DGKB: variants seen among roughly 807,000 people sequenced by gnomAD.
DGKB encodes 90 kDa diacylglycerol kinase.
In DGKB, 67 loss-of-function variants were observed where a neutral mutation model predicts 114.3. The ratio of observed to expected loss-of-function variants is 0.59; its 90% CI spans 0.48 to 0.72. The LOEUF (loss-of-function observed/expected upper bound fraction) is 0.72, where lower values mean the gene tolerates loss of function less well. DGKB is among the 30% of genes least tolerant of loss of function. The pLI is 0.00. For synonymous variants in DGKB, 398 were observed against 323.1 expected, an observed-to-expected ratio of 1.23 and a Z score of -2.49; for missense variants, 907 against 975.2, an observed-to-expected ratio of 0.93 and a Z score of 0.93.
chr7:14,943,833 ACTAC>A (rs1785708062), intron 1 of DGKB, among the ~76,000 whole-genome samples: 1 of 151,942 alleles, frequency 6.6e-6, no homozygotes, highest in Non-Finnish European at 1.5e-5. Context: ...TGAATTCTTT[ACTAC>A]ATTTCACTAT....
At position 14,161,208 on chromosome 7, in the gene DGKB, G is replaced by C. The variant is rs530010800; in HGVS notation, c.2305-11970C>G. Among the ~76,000 whole-genome samples, 3 of 152,314 alleles carry C rather than the reference G, an allele frequency of 2.0e-5. No individual in the cohort carries two copies. In the South Asian group the frequency reaches 6.2e-4, roughly 32 times the overall value. On this transcript the variant is annotated intron_variant, in intron 25 of 25. Transcript: ENST00000402815. Reference sequence around the variant, plus strand: ...GGAGAAATAGGAACACTTTTACACTGCTGGTGGGAGTGTAAATTAGTTCAA... The same window carrying C: ...GGAGAAATAGGAACACTTTTACACTCCTGGTGGGAGTGTAAATTAGTTCAA...
At chr7:14,204,372 T>C (rs980240361) in intron 23 of DGKB, among the ~76,000 whole-genome samples, 3 of 151,994 alleles carry the variant, frequency 2.0e-5, no homozygotes, top group Non-Finnish European at 4.4e-5. Flanking sequence ...GCAGCTCTTC[T>C]ACACAGTTCT....
chr7:14,552,733 T>C (rs571120322), intron 20 of DGKB, among the ~76,000 whole-genome samples: 2 of 152,344 alleles, frequency 1.3e-5, no homozygotes, highest in African/African-American at 4.8e-5. Flanking sequence ...TTCCTTTCTC[T>C]CCACTAGGAA....
At position 14,772,721 on chromosome 7, in the gene DGKB, G is replaced by C. The variant is rs1266877632; in HGVS notation, c.71-14990C>G. ...CAATGTGAATTTTAATCCTCCCATT[G>C]TTGCTGTCTATGGCATCAGCTGATA... is the stretch of plus-strand genomic sequence containing the variant. On this transcript the variant is annotated intron_variant, in intron 2 of 25. Coordinates refer to ENST00000402815, the MANE Select transcript of DGKB (RefSeq NM_001350709.2). Among the ~76,000 whole-genome samples the C allele has an allele frequency of 2.0e-5, 3 of 152,170 alleles. No homozygotes were observed. The East Asian group carries it at 5.8e-4, about 29-fold the overall frequency.
At chr7:14,904,287 T>C (rs1323442802), upstream of DGKB, among the ~76,000 whole-genome samples, 2 of 152,134 alleles carry the variant, frequency 1.3e-5, no homozygotes, top group Non-Finnish European at 2.9e-5. Context: ...TCCAGTTGTC[T>C]GAGCTAAAAA....
At chr7:14,697,828 G>A (rs1445719807) in intron 8 of DGKB, among the ~76,000 whole-genome samples, 5 of 145,078 alleles carry the variant, frequency 3.4e-5, no homozygotes, top group African/African-American at 1.3e-4. Context: ...AAAGGAGAGA[G>A]AGAGAAGGAA....
At chr7:14,221,111 A>G (rs947300441) in intron 23 of DGKB, among the ~76,000 whole-genome samples, 2 of 151,378 alleles carry the variant, frequency 1.3e-5, no homozygotes, top group African/African-American at 4.8e-5. Flanking sequence ...GTTATGTGCA[A>G]ATAGAAATAG....
chr7:14,369,957 C>A (rs556643077), intron 21 of DGKB, among the ~76,000 whole-genome samples: 1 of 152,296 alleles, frequency 6.6e-6, no homozygotes, highest in East Asian at 1.9e-4. Flanking sequence ...TTCATTAGAT[C>A]CCATTTGTCA....
At chr7:14,634,281 G>C (rs1810305009) in intron 13 of DGKB, among the ~76,000 whole-genome samples, 2 of 151,320 alleles carry the variant, frequency 1.3e-5, no homozygotes, top group Admixed American at 1.3e-4. Flanking sequence ...GCCTAACCCA[G>C]GAAAACAAAG....
chr7:14,661,855 C>A (rs1817158335), intron 13 of DGKB, among the ~76,000 whole-genome samples: 2 of 152,108 alleles, frequency 1.3e-5, no homozygotes, highest in Admixed American at 1.3e-4. Flanking sequence ...CGCATATACA[C>A]CATGGAATAC....
intron 23 of DGKB, among the ~76,000 whole-genome samples, chr7:14,201,333 T>C (rs766233838): frequency 1.3e-5 from 2 of 151,966 alleles, no homozygotes; most frequent in Non-Finnish European, 2.9e-5. Flanking sequence ...TTTCAATATA[T>C]GAATTTTGGG....
chr7:14,292,974 G>A (rs1324241187), intron 23 of DGKB, among the ~76,000 whole-genome samples: 1 of 152,170 alleles, frequency 6.6e-6, no homozygotes, highest in African/African-American at 2.4e-5. Flanking sequence ...CCAATTCAGA[G>A]ACTGAGGAAA....
At chr7:14,654,422 T>C (rs939455662) in intron 13 of DGKB, among the ~76,000 whole-genome samples, 7 of 152,072 alleles carry the variant, frequency 4.6e-5, no homozygotes, top group Admixed American at 1.3e-4. Flanking sequence ...GCCATGCTCA[T>C]GGATTAGAAC....
chr7:14,285,379 A>G (rs1800713867), intron 23 of DGKB, among the ~76,000 whole-genome samples: 1 of 152,222 alleles, frequency 6.6e-6, no homozygotes, highest in Non-Finnish European at 1.5e-5. Context: ...GGGAGGATGT[A>G]GTAAGTAAAT....
chr7:14,826,578 C>A (rs1350147718), intron 2 of DGKB, among the ~76,000 whole-genome samples: 1 of 151,998 alleles, frequency 6.6e-6, no homozygotes, highest in African/African-American at 2.4e-5. Flanking sequence ...ATATCAAGAG[C>A]CAGTATAGCA....
chr7:14,203,161 CAAA>C (rs374610278), intron 23 of DGKB, among the ~76,000 whole-genome samples: 2 of 96,134 alleles, frequency 2.1e-5, no homozygotes, highest in African/African-American at 4.3e-5. Context: ...GAGCAGTAGC[CAAA>C]AAAAAAAAAA....
chr7:14,787,696 A>G (rs1297628628), intron 2 of DGKB, among the ~76,000 whole-genome samples: 1 of 152,196 alleles, frequency 6.6e-6, no homozygotes, highest in Admixed American at 6.5e-5. Context: ...GACAAGAAAT[A>G]ATGTGGGCAG....
chr7:14,477,576 T>A lies in DGKB; in HGVS notation c.1835+585A>T, dbSNP rs184282509. ...ACCAAGGCTTTCCTGTTTCCCTGAG[T>A]AACTGTGAAGGTCAATGTCTACATT... On this transcript the variant is annotated intron_variant, in intron 21 of 25. Transcript: ENST00000402815. 2.6e-3 allele frequency among the ~76,000 whole-genome samples: 398 copies of A among 152,270 alleles called. 1 individual carries two copies. Among genetic ancestry groups the A allele is most frequent in the Admixed American group, 6.3e-3 (97 of 15,294 alleles).
chr7:14,539,281 T>C (rs1166817903), intron 20 of DGKB, among the ~76,000 whole-genome samples: 1 of 152,166 alleles, frequency 6.6e-6, no homozygotes, highest in Non-Finnish European at 1.5e-5. Context: ...TCATTAATTA[T>C]GTGTGGTTTC....
Sources: gnomAD v4.1 joint callset for allele counts (sites outside exome capture counted in the v4.1 genomes callset) on GRCh38, gnomAD v4.1.1 for gene constraint, MANE v1.5 for transcripts, NCBI Gene and HGNC (gene_info 2026-07-23, HGNC 2026-07-21) for gene names.